The following NEMF variants were observed in gnomAD, a reference collection of about 807,000 sequenced individuals.
NEMF encodes nuclear export mediator factor, also known as ribosome quality control complex subunit NEMF.
NEMF carries 89 observed loss-of-function variants against 162.2 expected under a neutral mutation model. The observed-to-expected ratio is 0.55, with a 90% CI of 0.46 to 0.65. The LOEUF (loss-of-function observed/expected upper bound fraction) is 0.65, where lower values mean the gene tolerates loss of function less well. Ranked by LOEUF, NEMF falls within the 30% of genes least tolerant of loss-of-function variation. The pLI is 0.00. For missense variants in NEMF, 1,133 were observed against 1,261.9 expected (o/e 0.90, Z 1.55); for synonymous variants, 421 against 404.5 (o/e 1.04, Z -0.49).
At chr14:49,804,266 A>G (rs1282795314) in intron 19 of NEMF, among the ~76,000 whole-genome samples, 1 of 152,158 alleles carries the variant, frequency 6.6e-6, no homozygotes. Context: ...GGCCTTCCAA[A>G]GTGCTGGGAT....
intron 5 of NEMF, among the ~76,000 whole-genome samples, chr14:49,840,355 G>A (rs3100896): frequency 0.97 from 147,145 of 152,062 alleles, 71,395 homozygotes; most frequent in East Asian, 1. Context: ...CCAGCTACTC[G>A]GGAGGCTGCG....
At chr14:49,845,248 ACG>A (rs1893442570) in intron 4 of NEMF, among the ~76,000 whole-genome samples, 1 of 151,948 alleles carries the variant, frequency 6.6e-6, no homozygotes, top group Non-Finnish European at 1.5e-5. Context: ...GCCCGCCACC[ACG>A]CCCAGCTAAT....
chr14:49,792,750 CAGG>C (rs1375134586), intron 26 of NEMF, among the ~76,000 whole-genome samples: 1 of 152,072 alleles, frequency 6.6e-6, no homozygotes, highest in Non-Finnish European at 1.5e-5. Context: ...GGATAACAAG[CAGG>C]AGGATAACTT....
rs755704431 is a variant in NEMF, at chr14:49,789,342, GACTTTAATTC to G, written c.2698-9_2698del. 6.2e-7 allele frequency: 1 copy of G among 1,613,938 alleles called. No homozygotes were observed. The highest frequency in any genetic ancestry group is 1.3e-5 in the African/African-American group (1 of 74,966). ...TTTTTCTTCTTTGTTTGAACCTGCA[GACTTTAATTC>G]ATAGAGGAAACATCAGTCAGTGTTG... On this transcript the variant is annotated splice_acceptor_variant and splice_polypyrimidine_tract_variant and coding_sequence_variant and intron_variant, in exon 28 of 33. Coordinates refer to ENST00000298310, the MANE Select transcript of NEMF (RefSeq NM_004713.6). LOFTEE classifies it high-confidence loss of function.
chr14:49,823,757 A>G (rs1892203172), intron 16 of NEMF, among the ~76,000 whole-genome samples: 1 of 152,200 alleles, frequency 6.6e-6, no homozygotes, highest in South Asian at 2.1e-4. Flanking sequence ...ATCCAACATA[A>G]TGGATTAAAA....
chr14:49,815,739 C>T (rs1390929387), intron 16 of NEMF, among the ~76,000 whole-genome samples: 1 of 152,046 alleles, frequency 6.6e-6, no homozygotes, highest in Non-Finnish European at 1.5e-5. Flanking sequence ...CCAAGGTGGG[C>T]GGATCACGAG....
In NEMF at chr14:49,784,738, T is replaced by G. The variant is rs748431555; in HGVS notation, c.3154-25A>C. ...CCTAAAAAAAGAAAATTGCTGAATATCTTCACATCCTGTATGGTCAATCAT... is the reference window on the plus strand; with the variant it reads ...CCTAAAAAAAGAAAATTGCTGAATAGCTTCACATCCTGTATGGTCAATCAT... On this transcript the variant is annotated intron_variant, in intron 32 of 32. Transcript: ENST00000298310. 20 of 1,580,368 alleles carry G rather than the reference T, an allele frequency of 1.3e-5. No individual in the cohort carries two copies. The Admixed American group carries it at 2.5e-4, about 20-fold the overall frequency.
At chr14:49,824,752 G>A (rs550079941) in intron 16 of NEMF, among the ~76,000 whole-genome samples, 1 of 152,016 alleles carries the variant, frequency 6.6e-6, no homozygotes, top group East Asian at 1.9e-4. Flanking sequence ...AGAGTAAAAT[G>A]TTTTATACAT....
intron 18 of NEMF, among the ~76,000 whole-genome samples, chr14:49,809,203 A>C (rs962835836): frequency 6.6e-6 from 1 of 152,226 alleles, no homozygotes; most frequent in African/African-American, 2.4e-5. Flanking sequence ...CTGAAAACTT[A>C]TATCTGTACA....
rs191140936 is a variant in NEMF, at chr14:49,807,754, C to T, written c.1745-1621G>A. Reference sequence around the variant, plus strand: ...GATTACAGGCATGCACCACTACGCCCGGCTAATTTTTATATATATATATTT... The same window carrying T: ...GATTACAGGCATGCACCACTACGCCTGGCTAATTTTTATATATATATATTT... On this transcript the variant is annotated intron_variant, in intron 18 of 32. Transcript: ENST00000298310. 3.9e-3 allele frequency among the ~76,000 whole-genome samples: 599 copies of T among 151,672 alleles called. 2 individuals are homozygous for T. The highest frequency in any genetic ancestry group is 6.8e-3 in the Middle Eastern group (2 of 294).
At chr14:49,809,817 C>T (rs1013439373) in intron 18 of NEMF, among the ~76,000 whole-genome samples, 4 of 151,626 alleles carry the variant, frequency 2.6e-5, no homozygotes, top group Non-Finnish European at 4.4e-5. Flanking sequence ...GCTGAGATTA[C>T]GCAACTGCAC....
chr14:49,782,749 A>ATGTT lies in NEMF; in HGVS notation c.*1883_*1886dup, dbSNP rs1889966532. ...AAAATCTTTGAAGAAAGAAAGAGGG[A>ATGTT]TGTTTTATGTAGTTTTTCAAGTGAA... On this transcript the variant is annotated 3_prime_UTR_variant, in exon 33 of 33. Transcript: ENST00000298310. The ATGTT allele has an allele frequency of 6.7e-7, 1 of 1,488,752 alleles. No homozygotes were observed. Among genetic ancestry groups the ATGTT allele is most frequent in the Non-Finnish European group, 9.2e-7 (1 of 1,092,080 alleles). 92.2% of individuals were successfully genotyped at this position (1,488,752 alleles called of 1,614,324 possible).
chr14:49,831,364 T>C lies in NEMF; in HGVS notation c.883-3A>G. 6.3e-7 allele frequency: 1 copy of C among 1,590,352 alleles called. No homozygotes were observed. The highest frequency in any genetic ancestry group is 8.6e-7 in the Non-Finnish European group (1 of 1,159,990). ...TTGGAATAAAATTCATCCACCGCCTTATTAAAAAAACAAACAACTAGTTGG... is the reference window on the plus strand; with the variant it reads ...TTGGAATAAAATTCATCCACCGCCTCATTAAAAAAACAAACAACTAGTTGG... On this transcript the variant is annotated splice_region_variant and splice_polypyrimidine_tract_variant and intron_variant, in intron 10 of 32. Transcript: ENST00000298310.
intron 19 of NEMF, among the ~76,000 whole-genome samples, chr14:49,805,682 A>T (rs1200874538): frequency 1.3e-5 from 2 of 152,112 alleles, no homozygotes; most frequent in Admixed American, 1.3e-4. Context: ...TTAGGTCAGT[A>T]TGCCAATAAT....
chr14:49,832,624 C>T (rs1721752619), intron 8 of NEMF, among the ~76,000 whole-genome samples: 1 of 152,146 alleles, frequency 6.6e-6, no homozygotes, highest in Admixed American at 6.5e-5. Flanking sequence ...TGAGCCACTG[C>T]ACCTAAAAAT....
chr14:49,800,173 G>GT (rs1406091524), intron 23 of NEMF, among the ~76,000 whole-genome samples: 1 of 151,806 alleles, frequency 6.6e-6, no homozygotes, highest in African/African-American at 2.4e-5. Context: ...CCTTTGTTAT[G>GT]TTTTTAGCAT....
Position 49,786,713 on chromosome 14 carries a change from C to T in NEMF, c.2928+5G>A. On this transcript the variant is annotated splice_donor_5th_base_variant and intron_variant, in intron 29 of 32. Transcript: ENST00000298310. ...TGTAGTAGGAACCCCAACATAAAAT[C>T]ATACCTCATTTCCCTGTTGATCCAG... 6.2e-7 allele frequency: 1 copy of T among 1,612,340 alleles called. No individual in the cohort carries two copies. The highest frequency in any genetic ancestry group is 8.5e-7 in the Non-Finnish European group (1 of 1,178,518).
At chr14:49,797,031 A>C in intron 25 of NEMF, among the ~76,000 whole-genome samples, 1 of 152,194 alleles carries the variant, frequency 6.6e-6, no homozygotes, top group East Asian at 1.9e-4. Context: ...TCACTTTCAG[A>C]CACTATTTAC....
intron 26 of NEMF, among the ~76,000 whole-genome samples, chr14:49,790,015 T>C (rs1320945231): frequency 6.6e-6 from 1 of 152,206 alleles, no homozygotes; most frequent in Non-Finnish European, 1.5e-5. Flanking sequence ...AACCAATGAT[T>C]CTTTACCCTG....
Sources: allele counts gnomAD v4.1 joint callset (sites outside exome capture counted in the v4.1 genomes callset), GRCh38; gene constraint gnomAD v4.1.1; transcripts MANE v1.5; gene names NCBI Gene and HGNC (gene_info 2026-07-23, HGNC 2026-07-21).